The following KCNQ5 variants were observed in gnomAD, a reference collection of about 807,000 sequenced individuals.
The protein encoded by KCNQ5 is potassium voltage-gated channel subfamily Q member 5, also known as potassium voltage-gated channel subfamily KQT member 5.
A neutral mutation model predicts 98.2 loss-of-function variants in KCNQ5; 30 were observed. The observed-to-expected ratio is 0.31, with a 90% CI of 0.23 to 0.41. The LOEUF (loss-of-function observed/expected upper bound fraction) is 0.41, where lower values mean the gene tolerates loss of function less well. KCNQ5 is among the 10% of genes least tolerant of loss of function. KCNQ5 has a pLI of 1.00. For synonymous variants in KCNQ5, 458 were observed against 449.4 expected, an observed-to-expected ratio of 1.02 and a Z score of -0.24; for missense variants, 835 against 1,182.5, an observed-to-expected ratio of 0.71 and a Z score of 4.31.
chr6:72,663,849 T>C (rs1766649342), intron 1 of KCNQ5, among the ~76,000 whole-genome samples: 1 of 152,232 alleles, frequency 6.6e-6, no homozygotes, highest in South Asian at 2.1e-4. Context: ...TCTTTATATG[T>C]GTGTTGACAG....
At position 73,174,472 on chromosome 6, in the gene KCNQ5, C is replaced by A. The variant is rs1468325602; in HGVS notation, c.1577+4618C>A. On this transcript the variant is annotated intron_variant, in intron 11 of 13. Coordinates refer to ENST00000370398, the MANE Select transcript of KCNQ5 (RefSeq NM_019842.4). ...CTATCTCCGTGCAATAATGGTCATG[C>A]CTGCTATGTTTCACTTTATGAAACC... is the stretch of plus-strand genomic sequence containing the variant. Among the ~76,000 whole-genome samples, 4 of 152,192 alleles carry A rather than the reference C, an allele frequency of 2.6e-5. No individual in the cohort carries two copies. The East Asian group carries it at 7.7e-4, about 29-fold the overall frequency.
chr6:73,124,987 A>T (rs1394298981), intron 9 of KCNQ5, among the ~76,000 whole-genome samples: 1 of 6,590 alleles, frequency 1.5e-4, no homozygotes, highest in East Asian at 9.4e-3. Context: ...ATATACACAC[A>T]CACACATATA....
chr6:72,642,574 G>A (rs1380119955), intron 1 of KCNQ5, among the ~76,000 whole-genome samples: 1 of 152,140 alleles, frequency 6.6e-6, no homozygotes, highest in Non-Finnish European at 1.5e-5. Flanking sequence ...TCTCACACCA[G>A]TCAGAATGGC....
At chr6:72,673,645 G>C (rs1767254383) in intron 1 of KCNQ5, among the ~76,000 whole-genome samples, 1 of 152,016 alleles carries the variant, frequency 6.6e-6, no homozygotes, top group Non-Finnish European at 1.5e-5. Context: ...CAAGGAAGGA[G>C]GACGTGGAGT....
intron 1 of KCNQ5, among the ~76,000 whole-genome samples, chr6:72,739,786 A>G (rs143623709): frequency 1.9e-3 from 296 of 152,310 alleles, no homozygotes; most frequent in African/African-American, 6.7e-3. Flanking sequence ...CAGGACCTGA[A>G]GTCTTTCAGA....
At chr6:72,949,231 T>C (rs1582071394) in intron 1 of KCNQ5, among the ~76,000 whole-genome samples, 1 of 152,230 alleles carries the variant, frequency 6.6e-6, no homozygotes, top group East Asian at 1.9e-4. Context: ...ACAGAAAATA[T>C]AAATAGTGGA....
At chr6:72,718,938 A>T (rs1439289851) in intron 1 of KCNQ5, among the ~76,000 whole-genome samples, 3 of 152,196 alleles carry the variant, frequency 2.0e-5, no homozygotes, top group African/African-American at 4.8e-5. Context: ...TATAAAAATA[A>T]CTCCTAAGAA....
intron 1 of KCNQ5, among the ~76,000 whole-genome samples, chr6:72,935,660 A>G (rs764762058): frequency 1.4e-4 from 21 of 152,174 alleles, no homozygotes; most frequent in Non-Finnish European, 2.2e-4. Context: ...CATCCAGCTT[A>G]TGCCTATTTC....
intron 1 of KCNQ5, among the ~76,000 whole-genome samples, chr6:72,841,885 A>C (rs1205459694): frequency 1.3e-5 from 2 of 152,178 alleles, no homozygotes; most frequent in Non-Finnish European, 2.9e-5. Context: ...CTATAGCATA[A>C]AACATGTACC....
At chr6:73,146,938 A>C (rs1776949750) in intron 10 of KCNQ5, among the ~76,000 whole-genome samples, 1 of 152,234 alleles carries the variant, frequency 6.6e-6, no homozygotes, top group East Asian at 1.9e-4. Context: ...TGTTTTCACC[A>C]GGCTGTGAGT....
In KCNQ5 at chr6:72,715,691, C is replaced by T. The variant is rs535865706; in HGVS notation, c.398+93104C>T. ...TTTTAAAAAGGAAAATCATTTAAAACATGACACTTATAAAGTATCTTAAGA... is the reference window on the plus strand; with the variant it reads ...TTTTAAAAAGGAAAATCATTTAAAATATGACACTTATAAAGTATCTTAAGA... On this transcript the variant is annotated intron_variant, in intron 1 of 13. Coordinates refer to ENST00000370398, the MANE Select transcript of KCNQ5 (RefSeq NM_019842.4). Among the ~76,000 whole-genome samples the T allele has an allele frequency of 6.6e-5, 10 of 152,170 alleles. No individual in the cohort carries two copies. The East Asian group carries it at 1.9e-3, about 29-fold the overall frequency.
chr6:73,019,251 T>A (rs1770480966), intron 2 of KCNQ5, among the ~76,000 whole-genome samples: 1 of 152,172 alleles, frequency 6.6e-6, no homozygotes, highest in Non-Finnish European at 1.5e-5. Context: ...ATTGTTTTCG[T>A]TAGGTCTCTG....
At chr6:72,779,845 G>A (rs867573187) in intron 1 of KCNQ5, among the ~76,000 whole-genome samples, 48 of 132,830 alleles carry the variant, frequency 3.6e-4, no homozygotes, top group African/African-American at 1.4e-3. Context: ...GTGTGTGTGT[G>A]TGTGTGTGTG....
chr6:72,812,885 G>A (rs1256300729), intron 1 of KCNQ5, among the ~76,000 whole-genome samples: 1 of 152,028 alleles, frequency 6.6e-6, no homozygotes, highest in Non-Finnish European at 1.5e-5. Flanking sequence ...GTCAAGTGAG[G>A]GGCATTTTAA....
intron 5 of KCNQ5, among the ~76,000 whole-genome samples, chr6:73,097,198 C>T (rs1186089344): frequency 1.5e-5 from 2 of 132,044 alleles, no homozygotes. Flanking sequence ...TTAACTGAGG[C>T]TTTGTGTCCT....
Position 73,194,992 on chromosome 6 carries a change from G to A in KCNQ5, c.2377G>A (p.Val793Ile). ...CLVASKENVQ[V>I]AQSNLTKDRS... ...TGTTGCCTCCAAGGAAAATGTTCAG[G>A]TTGCACAGTCAAATCTCACCAAGGA... The change falls in exon 14 of 14, where the codon GTT (valine) becomes ATT (isoleucine). Residue 793 changes from valine (V) to isoleucine (I), a missense_variant. Val to Ile is a conservative substitution (Grantham distance 29). This residue lies in a region of KCNQ5 where 416 missense variants were observed against 446.9 expected (regional missense o/e 0.93). Coordinates refer to ENST00000370398, the MANE Select transcript of KCNQ5 (RefSeq NM_019842.4). The A allele has an allele frequency of 1.9e-6, 3 of 1,614,182 alleles. No homozygotes were observed. The South Asian group carries it at 3.3e-5, about 18-fold the overall frequency.
chr6:72,941,074 A>T (rs537417319), intron 1 of KCNQ5, among the ~76,000 whole-genome samples: 1 of 152,266 alleles, frequency 6.6e-6, no homozygotes, highest in Non-Finnish European at 1.5e-5. Flanking sequence ...TAAGATGGTC[A>T]TCAGACCGAA....
chr6:72,668,015 A>G (rs1273143714), intron 1 of KCNQ5, among the ~76,000 whole-genome samples: 2 of 152,192 alleles, frequency 1.3e-5, no homozygotes, highest in Non-Finnish European at 2.9e-5. Flanking sequence ...TAAGGACTTT[A>G]TTGAAAAAAC....
At chr6:73,125,184 C>T (rs960862888) in intron 9 of KCNQ5, among the ~76,000 whole-genome samples, 1 of 151,244 alleles carries the variant, frequency 6.6e-6, no homozygotes, top group Non-Finnish European at 1.5e-5. Context: ...AAGAAGACAA[C>T]CCTCCCAAAA....
Sources: gnomAD v4.1 joint callset for allele counts (sites outside exome capture counted in the v4.1 genomes callset) on GRCh38, gnomAD v4.1.1 for gene constraint, gnomAD v4.1.1 regional missense constraint, MANE v1.5 for transcripts, NCBI Gene and HGNC (gene_info 2026-07-23, HGNC 2026-07-21) for gene names.